The following NSD1 variants were observed in gnomAD, a reference collection of about 807,000 sequenced individuals.
NSD1 encodes histone-lysine N-methyltransferase, H3 lysine-36 specific.
A neutral mutation model predicts 242.7 loss-of-function variants in NSD1; 26 were observed. That is an observed-to-expected ratio of 0.11 (90% CI 0.08 to 0.15). The LOEUF (loss-of-function observed/expected upper bound fraction) is 0.15. Among genes scored for constraint, NSD1 ranks in the 10% least tolerant of loss-of-function variants. The pLI, the probability that NSD1 is intolerant of heterozygous loss-of-function variation, is 1.00. For missense variants in NSD1, 2,495 were observed against 3,272.8 expected, an observed-to-expected ratio of 0.76 and a Z score of 5.80; for synonymous variants, 1,106 against 1,178.1, an observed-to-expected ratio of 0.94 and a Z score of 1.25.
At chr5:177,190,539 C>T (rs1344194879) in intron 2 of NSD1, among the ~76,000 whole-genome samples, 2 of 152,226 alleles carry the variant, frequency 1.3e-5, no homozygotes, top group African/African-American at 4.8e-5. Context: ...ATCTGCCTAC[C>T]TCGGCCTCCC....
At chr5:177,220,929 A>G in intron 5 of NSD1, 1 of 431,234 alleles carries the variant, frequency 2.3e-6, no homozygotes, top group Non-Finnish European at 4.6e-6. Flanking sequence ...CAGTGGGGCA[A>G]TCTCAGCTCA....
chr5:177,242,514 A>ATTTATTATTTAT (rs1554196719), intron 8 of NSD1, among the ~76,000 whole-genome samples: 1 of 145,492 alleles, frequency 6.9e-6, no homozygotes, highest in African/African-American at 2.5e-5. Flanking sequence ...AATGGCCTTT[A>ATTTATTATTTAT]TTATTTATTT....
chr5:177,235,778 T>C, intron 5 of NSD1, 43 bp from the exon 6 acceptor site: 2 of 1,613,612 alleles, frequency 1.2e-6, no homozygotes, highest in South Asian at 1.1e-5. Context: ...TGGGTTTTCC[T>C]GAAGCTTTTT....
chr5:177,156,895 C>T (rs1015549857), intron 2 of NSD1, among the ~76,000 whole-genome samples: 6 of 151,408 alleles, frequency 4.0e-5, no homozygotes, highest in Non-Finnish European at 8.8e-5. Context: ...AGCTTGTGCC[C>T]AGGAGGCAGA....
Position 177,294,863 on chromosome 5 carries a change from CAT to C in NSD1, c.7498_7499del (p.Met2500AlafsTer5). ...SSWPASKGLG[H>X]MPRAVEKGCV... Reference sequence around the variant, plus strand: ...ATGGCCTGCCAGCAAAGGTCTGGGGCATATGCCGAGAGCTGTTGAGAAAGGCT... The same window carrying C: ...ATGGCCTGCCAGCAAAGGTCTGGGGCATGCCGAGAGCTGTTGAGAAAGGCT... On this transcript the variant is annotated frameshift_variant, in exon 23 of 23. Transcript: ENST00000439151. LOFTEE classifies it high-confidence loss of function. 6.2e-7 allele frequency: 1 copy of C among 1,613,178 alleles called. No homozygotes were observed. The highest frequency in any genetic ancestry group is 8.5e-7 in the Non-Finnish European group (1 of 1,179,948).
At chr5:177,179,619 A>G (rs1760492253) in intron 2 of NSD1, among the ~76,000 whole-genome samples, 1 of 152,256 alleles carries the variant, frequency 6.6e-6, no homozygotes, top group Admixed American at 6.5e-5. Context: ...AATGTGGAGC[A>G]GCCAGCTTTC....
intron 2 of NSD1, among the ~76,000 whole-genome samples, chr5:177,171,894 TA>T (rs778951550): frequency 2.0e-5 from 3 of 152,264 alleles, no homozygotes; most frequent in Non-Finnish European, 4.4e-5. Flanking sequence ...ACAATGTAAA[TA>T]ATGTCGCTAT....
intron 2 of NSD1, among the ~76,000 whole-genome samples, chr5:177,151,664 C>T (rs565097076): frequency 6.6e-6 from 1 of 151,564 alleles, no homozygotes; most frequent in East Asian, 2.0e-4. Flanking sequence ...GCTGGGATTA[C>T]AGGCATGAGC....
intron 13 of NSD1, among the ~76,000 whole-genome samples, chr5:177,258,773 T>C (rs1033006778): frequency 6.6e-6 from 1 of 152,190 alleles, no homozygotes; most frequent in Non-Finnish European, 1.5e-5. Context: ...TGACGTCAGG[T>C]GATCTGCCTG....
rs1206542208 is a variant in NSD1, at chr5:177,294,076, G to A, written c.6708G>A (p.Leu2236=). The stretch of plus-strand genomic sequence containing the variant: ...TGCCTCCAGGGCCAAGCACTCACCT[G>A]GCAGAGCAATCAACAGGAATGGCTG... The part of the protein sequence containing the change: ...VPLPPGPSTH[L]AEQSTGMAAQ... Residue 2236 remains leucine (L), a synonymous_variant, in exon 23 of 23, where the codon CTG becomes CTA. Transcript: ENST00000439151. The A allele has an allele frequency of 6.2e-7, 1 of 1,614,058 alleles. No homozygotes were observed. The highest frequency in any genetic ancestry group is 1.7e-5 in the Admixed American group (1 of 60,014).
intron 14 of NSD1, among the ~76,000 whole-genome samples, chr5:177,264,075 C>T (rs757871132): frequency 1.2e-4 from 11 of 94,912 alleles, no homozygotes; most frequent in Non-Finnish European, 2.1e-4. Flanking sequence ...CTGGCTGTGT[C>T]GTCAGGCTGG....
chr5:177,147,110 T>A (rs1757315014), intron 2 of NSD1, among the ~76,000 whole-genome samples: 1 of 151,998 alleles, frequency 6.6e-6, no homozygotes, highest in East Asian at 1.9e-4. Flanking sequence ...CAACCTTCCA[T>A]CTCTTTTTCG....
chr5:177,270,318 TA>T (rs1259861579), intron 16 of NSD1, among the ~76,000 whole-genome samples: 1 of 152,242 alleles, frequency 6.6e-6, no homozygotes, highest in East Asian at 1.9e-4. Context: ...GGTGCCCTGT[TA>T]TAAGCAGAAC....
chr5:177,288,382 T>C (rs1270321691), intron 20 of NSD1: 2 of 219,442 alleles, frequency 9.1e-6, no homozygotes, highest in Non-Finnish European at 1.8e-5. Context: ...TCTAGTGTTA[T>C]TCTGTACTGA....
At chr5:177,218,661 G>A (rs1180117577) in intron 5 of NSD1, among the ~76,000 whole-genome samples, 15 of 151,176 alleles carry the variant, frequency 9.9e-5, no homozygotes, top group Admixed American at 4.0e-4. Context: ...TCCACCTCCC[G>A]GATTGACGCC....
chr5:177,295,726 T>C lies in NSD1; in HGVS notation c.*267T>C, dbSNP rs958209217. The stretch of plus-strand genomic sequence containing the variant: ...GTCTCTTTCCCCCAACTTTTCCACA[T>C]GGTCATCGTGAAATAAAAAGTCCAC... On this transcript the variant is annotated 3_prime_UTR_variant, in exon 23 of 23. Transcript: ENST00000439151. The surrounding 1 kb of genome is among the most constrained non-coding windows in gnomAD (Gnocchi z 4.3). The C allele has an allele frequency of 5.5e-6, 3 of 550,060 alleles. No homozygotes were observed. Among genetic ancestry groups the C allele is most frequent in the African/African-American group, 1.9e-5 (1 of 52,982 alleles). The allele number at this position is 550,060 out of a possible 1,614,324, so 34.1% of individuals were successfully genotyped here.
chr5:177,159,903 T>A (rs975676743), intron 2 of NSD1, among the ~76,000 whole-genome samples: 3 of 151,640 alleles, frequency 2.0e-5, no homozygotes, highest in East Asian at 3.9e-4. Context: ...ATATTTTTTT[T>A]TTTTTAAATG....
intron 4 of NSD1, among the ~76,000 whole-genome samples, chr5:177,206,572 A>G (rs934756805): frequency 2.0e-5 from 3 of 152,224 alleles, no homozygotes; most frequent in Non-Finnish European, 4.4e-5. Context: ...CTTACACCCT[A>G]TAGAACTGTT....
In NSD1 at chr5:177,238,413, T is replaced by A; in HGVS notation, c.4098T>A (p.Ala1366=). The change falls in exon 7 of 23, where the codon GCT becomes GCA. Residue 1366 remains alanine (A), a synonymous_variant. Coordinates refer to ENST00000439151, the MANE Select transcript of NSD1 (RefSeq NM_022455.5). The surrounding 1 kb of genome is among the most constrained non-coding windows in gnomAD (Gnocchi z 4.6). Reference sequence around the variant, plus strand: ...AGTCAGAACTTGGAGGTGGACATGCTGAGTTGCCGCAGCTGACCTTGTCTG... The same window carrying A: ...AGTCAGAACTTGGAGGTGGACATGCAGAGTTGCCGCAGCTGACCTTGTCTG... ...LAQSELGGGH[A]ELPQLTLSVP... The A allele has an allele frequency of 6.2e-7, 1 of 1,614,116 alleles. No individual in the cohort carries two copies. Among genetic ancestry groups the A allele is most frequent in the Non-Finnish European group, 8.5e-7 (1 of 1,180,014 alleles).
Sources: gnomAD v4.1 joint callset for allele counts (sites outside exome capture counted in the v4.1 genomes callset) on GRCh38, gnomAD v4.1.1 for gene constraint, Gnocchi (gnomAD v3.1) non-coding constraint, MANE v1.5 for transcripts, NCBI Gene and HGNC (gene_info 2026-07-23, HGNC 2026-07-21) for gene names.